The following CEBPZ variants were observed in gnomAD, a reference collection of about 807,000 sequenced individuals.
The protein encoded by CEBPZ is CCAAT/enhancer-binding protein zeta.
Under a neutral mutation model 104.5 loss-of-function variants are expected in CEBPZ, and 78 were observed. The observed-to-expected ratio is 0.75, with a 90% CI of 0.62 to 0.90. CEBPZ has a LOEUF of 0.90. CEBPZ is among the 40% of genes least tolerant of loss of function. The pLI, the probability that CEBPZ is intolerant of heterozygous loss-of-function variation, is 0.00. For synonymous variants in CEBPZ, 470 were observed against 427.0 expected, an observed-to-expected ratio of 1.10 and a Z score of -1.24; for missense variants, 1,439 against 1,233.5, an observed-to-expected ratio of 1.17 and a Z score of -2.50.
chr2:37,212,685 G>A (rs1023974351), intron 10 of CEBPZ: 14 of 418,484 alleles, frequency 3.3e-5, no homozygotes, highest in Middle Eastern at 6.9e-4. Flanking sequence ...AGCAATTGTC[G>A]TCCTTTTTAC....
intron 13 of CEBPZ, 108 bp downstream of exon 13, chr2:37,210,891 C>A (rs531007625): frequency 7.6e-5 from 44 of 575,912 alleles, no homozygotes; most frequent in East Asian, 3.0e-4. Flanking sequence ...GAACCCCCCC[C>A]ACCCCTGAAT....
At chr2:37,212,233 T>G (rs564470103) in intron 11 of CEBPZ, 102 bp downstream of exon 11, 1 of 1,125,368 alleles carries the variant, frequency 8.9e-7, no homozygotes, top group Non-Finnish European at 1.3e-6. Context: ...CTTACTTGAC[T>G]ACATTTCCCC....
At chr2:37,226,523 CAT>C (rs1376268069) in intron 2 of CEBPZ, among the ~76,000 whole-genome samples, 6 of 152,204 alleles carry the variant, frequency 3.9e-5, no homozygotes, top group South Asian at 2.1e-4. Context: ...TCATAATAAT[CAT>C]ATGAGATAGC....
At chr2:37,213,641 T>A in intron 10 of CEBPZ, 2 of 411,530 alleles carry the variant, frequency 4.9e-6, no homozygotes, top group Non-Finnish European at 8.7e-6. Flanking sequence ...CTCGAACTCC[T>A]GACCTCAAAC....
intron 13 of CEBPZ, among the ~76,000 whole-genome samples, chr2:37,208,010 ACT>A (rs2148342486): frequency 6.6e-6 from 1 of 152,306 alleles, no homozygotes; most frequent in African/African-American, 2.4e-5. Flanking sequence ...ATTCAAGGCT[ACT>A]ATGAACACCT....
chr2:37,227,424 G>T, intron 2 of CEBPZ, 120 bp downstream of exon 2: 1 of 865,532 alleles, frequency 1.2e-6, no homozygotes, highest in Non-Finnish European at 1.7e-6. Context: ...GTAGCAAGCT[G>T]CTGAGGGGGC....
chr2:37,211,454 A>G (rs1677717727), intron 12 of CEBPZ: 1 of 235,120 alleles, frequency 4.3e-6, no homozygotes, highest in Non-Finnish European at 8.1e-6. Context: ...GTCTAGAGAC[A>G]ATTCTGGGTG....
Position 37,228,559 on chromosome 2 carries a change from G to C in CEBPZ, c.634C>G (p.Leu212Val). The C allele has an allele frequency of 6.2e-7, 1 of 1,614,186 alleles. No individual in the cohort carries two copies. The highest frequency in any genetic ancestry group is 8.5e-7 in the Non-Finnish European group (1 of 1,180,030). ...AATAAGTTGATTTCATGCTGATACAGCTTCTGAGCAAGGGTTTTGTACTTA... is the reference window on the plus strand; with the variant it reads ...AATAAGTTGATTTCATGCTGATACACCTTCTGAGCAAGGGTTTTGTACTTA... Reference protein sequence around the residue: ...VSKYKTLAQKLYQHEINLFKS... With the variant: ...VSKYKTLAQKVYQHEINLFKS... Residue 212 changes from leucine (L) to valine (V), a missense_variant, in exon 2 of 16, where the codon CTG becomes GTG. Transcript: ENST00000234170.
Position 37,220,478 on chromosome 2 carries a change from G to A in CEBPZ, c.2066-5C>T. On this transcript the variant is annotated splice_polypyrimidine_tract_variant and splice_region_variant and intron_variant, in intron 4 of 15. Transcript: ENST00000234170. ...ATTTATTTAACTGTTTCCCACCTAGGAATAACAAAAAAAATACGATTTCTC... is the reference window on the plus strand; with the variant it reads ...ATTTATTTAACTGTTTCCCACCTAGAAATAACAAAAAAAATACGATTTCTC... The A allele has an allele frequency of 6.6e-7, 1 of 1,516,012 alleles. No individual in the cohort carries two copies. Among genetic ancestry groups the A allele is most frequent in the Non-Finnish European group, 9.1e-7 (1 of 1,104,326 alleles). The allele number at this position is 1,516,012 out of a possible 1,614,324, so 93.9% of individuals were successfully genotyped here. A position where few individuals can be genotyped will look rare whatever the true frequency, so the allele number is the denominator to read the frequency against.
In CEBPZ at chr2:37,227,797, A is replaced by G; in HGVS notation, c.1396T>C (p.Phe466Leu). 1 of 1,614,054 alleles carries G rather than the reference A, an allele frequency of 6.2e-7. No homozygotes were observed. Among genetic ancestry groups the G allele is most frequent in the Non-Finnish European group, 8.5e-7 (1 of 1,180,024 alleles). ...ELANKLITVY[F>L]CFFRTCVKKK... is the part of the protein sequence containing the mutation. ...TTGACACAAGTCCGAAAAAAGCAAAAGTAAACAGTTATTAATTTGTTAGCC... is the reference window on the plus strand; with the variant it reads ...TTGACACAAGTCCGAAAAAAGCAAAGGTAAACAGTTATTAATTTGTTAGCC... The change falls in exon 2 of 16, where the codon TTT becomes CTT. Residue 466 changes from phenylalanine to leucine, a missense_variant. Phe to Leu is a conservative substitution (Grantham distance 22). Transcript: ENST00000234170.
chr2:37,224,962 T>A (rs1280315987), intron 2 of CEBPZ, among the ~76,000 whole-genome samples: 2 of 152,188 alleles, frequency 1.3e-5, no homozygotes, highest in Non-Finnish European at 1.5e-5. Flanking sequence ...TGTTTTCTAA[T>A]AGATTTCAAA....
At chr2:37,220,505 A>G in intron 4 of CEBPZ, 32 bp from the exon 5 acceptor site, 1 of 1,180,734 alleles carries the variant, frequency 8.5e-7, no homozygotes, top group Non-Finnish European at 1.2e-6. Flanking sequence ...CGATTTCTCA[A>G]ATGCTTTCTT....
In CEBPZ at chr2:37,217,699, G is replaced by T. The variant is rs553748106; in HGVS notation, c.2155-662C>A. Among the ~76,000 whole-genome samples the T allele has an allele frequency of 8.6e-5, 13 of 150,922 alleles. No homozygotes were observed. The South Asian group carries it at 1.5e-3, about 17-fold the overall frequency. On this transcript the variant is annotated intron_variant, in intron 5 of 15. Coordinates refer to ENST00000234170, the MANE Select transcript of CEBPZ (RefSeq NM_005760.3). ...GGGCGGATCACGAGGTCAGGAGATC[G>T]AGACCATCCTGGCTAACATGGTGAA... is the stretch of plus-strand genomic sequence containing the variant.
chr2:37,229,443 A>G (rs1338050714), intron 1 of CEBPZ, among the ~76,000 whole-genome samples: 2 of 152,254 alleles, frequency 1.3e-5, no homozygotes, highest in Non-Finnish European at 2.9e-5. Flanking sequence ...AAAGATGTTC[A>G]ACCTCACTGA....
At chr2:37,216,012 A>G (rs988809123) in intron 8 of CEBPZ, 128 bp downstream of exon 8, 1 of 687,114 alleles carries the variant, frequency 1.5e-6, no homozygotes, top group African/African-American at 1.9e-5. Flanking sequence ...TATTCTTGGG[A>G]AAAAAGATGG....
At chr2:37,221,385 GC>G (rs1194436349) in intron 4 of CEBPZ, among the ~76,000 whole-genome samples, 1 of 152,164 alleles carries the variant, frequency 6.6e-6, no homozygotes, top group Non-Finnish European at 1.5e-5. Flanking sequence ...AACAAAAGGT[GC>G]CCATTTTGGG....
chr2:37,205,086 G>A (rs1677487478), intron 13 of CEBPZ, among the ~76,000 whole-genome samples: 1 of 152,150 alleles, frequency 6.6e-6, no homozygotes, highest in African/African-American at 2.4e-5. Context: ...AAGATAACGT[G>A]TTATAATTTA....
At chr2:37,213,167 T>C (rs1437732517) in intron 10 of CEBPZ, among the ~76,000 whole-genome samples, 1 of 152,234 alleles carries the variant, frequency 6.6e-6, no homozygotes, top group Non-Finnish European at 1.5e-5. Context: ...TCAAAATTTC[T>C]GTAGCTCTGT....
At position 37,214,882 on chromosome 2, in the gene CEBPZ, G is replaced by C. The variant is rs1318522181; in HGVS notation, c.2447+4C>G. 1.3e-6 allele frequency: 2 copies of C among 1,590,798 alleles called. No homozygotes were observed. The highest frequency in any genetic ancestry group is 1.1e-5 in the South Asian group (1 of 90,556). On this transcript the variant is annotated splice_donor_region_variant and intron_variant, in intron 9 of 15. Coordinates refer to ENST00000234170, the MANE Select transcript of CEBPZ (RefSeq NM_005760.3). The stretch of plus-strand genomic sequence containing the variant: ...CCCAAATGAAACTATATTATGTATA[G>C]TACCTGTGGAAAAACACTTCATCCA...
Sources: allele counts gnomAD v4.1 joint callset (sites outside exome capture counted in the v4.1 genomes callset), GRCh38; gene constraint gnomAD v4.1.1; transcripts MANE v1.5; gene names NCBI Gene and HGNC (gene_info 2026-07-23, HGNC 2026-07-21).